The following C2orf66 variants were observed in gnomAD, a reference collection of about 807,000 sequenced individuals.
C2orf66 encodes the protein uncharacterized protein C2orf66.
C2orf66 carries 6 observed loss-of-function variants against 7.0 expected under a neutral mutation model. The observed-to-expected ratio is 0.86, with a 90% CI of 0.47 to 1.69. The LOEUF (loss-of-function observed/expected upper bound fraction) is 1.69. Among genes scored for constraint, C2orf66 ranks in the 40% most tolerant of loss-of-function variants. C2orf66 has a pLI of 0.01. For missense variants in C2orf66, 107 were observed against 112.0 expected, an observed-to-expected ratio of 0.96 and a Z score of 0.20; for synonymous variants, 38 against 43.8, an observed-to-expected ratio of 0.87 and a Z score of 0.52.
At chr2:196,811,703 C>G (rs1022421344), upstream of C2orf66, among the ~76,000 whole-genome samples, 19 of 152,040 alleles carry the variant, frequency 1.2e-4, no homozygotes, top group Non-Finnish European at 4.4e-5. Flanking sequence ...ATAGGATACA[C>G]AGATCTGGAG....
chr2:196,818,195 G>A, the C2orf66 span, among the ~76,000 whole-genome samples: 1 of 152,208 alleles, frequency 6.6e-6, no homozygotes, highest in Non-Finnish European at 1.5e-5. Context: ...CTGACTTCCT[G>A]CGACACCTGA....
chr2:196,828,798 C>G, the C2orf66 span, among the ~76,000 whole-genome samples: 2 of 152,160 alleles, frequency 1.3e-5, no homozygotes, highest in African/African-American at 4.8e-5. Flanking sequence ...CACCAGAGTT[C>G]AAGAGTCCCC....
At chr2:196,806,354 C>T (rs535416641) in intron 2 of C2orf66, among the ~76,000 whole-genome samples, 31 of 152,026 alleles carry the variant, frequency 2.0e-4, no homozygotes, top group South Asian at 6.3e-4. Flanking sequence ...CTGGCCACCA[C>T]GCCCATCTGA....
At chr2:196,825,403 T>C in the C2orf66 span, among the ~76,000 whole-genome samples, 2 of 152,144 alleles carry the variant, frequency 1.3e-5, no homozygotes, top group Non-Finnish European at 2.9e-5. Flanking sequence ...AATAATACTA[T>C]ATTGCAAACT....
chr2:196,805,489 T>C (rs1699810634), intron 2 of C2orf66, 81 bp from the exon 3 acceptor site: 1 of 152,134 alleles, frequency 6.6e-6, no homozygotes. Flanking sequence ...ATCAACATAT[T>C]TTACTGAAAA....
chr2:196,829,936 C>G, the C2orf66 span, among the ~76,000 whole-genome samples: 2 of 151,958 alleles, frequency 1.3e-5, no homozygotes, highest in Non-Finnish European at 2.9e-5. Context: ...ACAACAACAA[C>G]AAAAAGCCAA....
the C2orf66 span, among the ~76,000 whole-genome samples, chr2:196,824,286 T>C: frequency 6.6e-6 from 1 of 151,964 alleles, no homozygotes; most frequent in African/African-American, 2.4e-5. Flanking sequence ...TTTTTGAGAA[T>C]GAAATGAGAA....
chr2:196,812,475 C>T (rs557305094), upstream of C2orf66, among the ~76,000 whole-genome samples: 1 of 152,284 alleles, frequency 6.6e-6, no homozygotes, highest in African/African-American at 2.4e-5. Context: ...CAGTCAATAA[C>T]ATATTGAATG....
At chr2:196,816,674 T>C in the C2orf66 span, among the ~76,000 whole-genome samples, 3 of 152,222 alleles carry the variant, frequency 2.0e-5, no homozygotes, top group East Asian at 1.9e-4. Context: ...CAAACCAGCA[T>C]GTGTACCCCC....
the C2orf66 span, among the ~76,000 whole-genome samples, chr2:196,816,024 G>C: frequency 6.6e-6 from 1 of 152,182 alleles, no homozygotes; most frequent in Non-Finnish European, 1.5e-5. Flanking sequence ...TCTGCTCATA[G>C]CAATAACTGC....
the C2orf66 span, among the ~76,000 whole-genome samples, chr2:196,831,374 T>G: frequency 2.1e-4 from 32 of 152,204 alleles, no homozygotes; most frequent in South Asian, 6.4e-3. Context: ...ATGCATGAGG[T>G]GGGCTGGTTC....
chr2:196,814,991 G>C, the C2orf66 span, among the ~76,000 whole-genome samples: 1 of 151,966 alleles, frequency 6.6e-6, no homozygotes, highest in South Asian at 2.1e-4. Flanking sequence ...AAGAGACAGG[G>C]CCGTACTCTG....
At chr2:196,809,507 T>A, upstream of C2orf66, 1 of 920,832 alleles carries the variant, frequency 1.1e-6, no homozygotes, top group Non-Finnish European at 1.6e-6. Context: ...CCAGATTGAC[T>A]TCTAAATGAG....
the C2orf66 span, among the ~76,000 whole-genome samples, chr2:196,817,110 A>G: frequency 6.6e-6 from 1 of 152,050 alleles, no homozygotes; most frequent in African/African-American, 2.4e-5. Flanking sequence ...CTTCTGAGGA[A>G]ATAGGACAAG....
the C2orf66 span, among the ~76,000 whole-genome samples, chr2:196,824,653 C>T: frequency 1.5e-3 from 236 of 152,278 alleles, no homozygotes; most frequent in African/African-American, 5.6e-3. Flanking sequence ...TCTCCATACC[C>T]TTTGCTGTCG....
In C2orf66 at chr2:196,807,617, G is replaced by T. The variant is rs768128850; in HGVS notation, c.129C>A (p.Phe43Leu). 2 of 1,604,806 alleles carry T rather than the reference G, an allele frequency of 1.2e-6. No individual in the cohort carries two copies. Among genetic ancestry groups the T allele is most frequent in the Admixed American group, 3.5e-5 (2 of 57,336 alleles). The stretch of plus-strand genomic sequence containing the variant: ...CCTTAAAATATGCCTGAAGCCTTCT[G>T]AAAAACTAAAGAGAGAAAGAAAATG... ...LNNPRNRDLFFRRLQAYFKGR... is the reference protein window; with the variant it reads ...LNNPRNRDLFLRRLQAYFKGR... The change falls in exon 2 of 3, where the codon TTC (phenylalanine) becomes TTA (leucine). Residue 43 changes from phenylalanine to leucine, a missense_variant. Phe to Leu is a conservative substitution (Grantham distance 22). Transcript: ENST00000342506.
At chr2:196,821,788 A>T in the C2orf66 span, among the ~76,000 whole-genome samples, 1 of 152,080 alleles carries the variant, frequency 6.6e-6, no homozygotes. Context: ...TTGTATGATA[A>T]AAGGAGTAGT....
the C2orf66 span, among the ~76,000 whole-genome samples, chr2:196,824,853 T>G: frequency 2.7e-3 from 415 of 152,286 alleles, 2 homozygotes; most frequent in African/African-American, 9.6e-3. Flanking sequence ...AGAATGTATT[T>G]TCAAACCATA....
the C2orf66 span, among the ~76,000 whole-genome samples, chr2:196,831,512 G>A: frequency 6.6e-6 from 1 of 152,248 alleles, no homozygotes; most frequent in African/African-American, 2.4e-5. Flanking sequence ...CAGGTGGGAT[G>A]TATCTCCTCT....
Sources: allele counts gnomAD v4.1 joint callset (sites outside exome capture counted in the v4.1 genomes callset), GRCh38; gene constraint gnomAD v4.1.1; transcripts MANE v1.5; gene names NCBI Gene and HGNC (gene_info 2026-07-23, HGNC 2026-07-21).